TMEM132B: variants seen among roughly 807,000 people sequenced by gnomAD.
TMEM132B encodes the protein transmembrane protein 132B.
In TMEM132B, 18 loss-of-function variants were observed where a neutral mutation model predicts 90.8. That is an observed-to-expected ratio of 0.20 (90% CI 0.14 to 0.29). The LOEUF (loss-of-function observed/expected upper bound fraction) is 0.29, where lower values mean the gene tolerates loss of function less well. Ranked by LOEUF, TMEM132B falls within the 10% of genes least tolerant of loss-of-function variation. TMEM132B has a pLI of 1.00. For synonymous variants in TMEM132B, 504 were observed against 523.3 expected (o/e 0.96, Z 0.50); for missense variants, 1,096 against 1,326.8 (o/e 0.83, Z 2.70).
intron 3 of TMEM132B, among the ~76,000 whole-genome samples, chr12:125,450,735 A>G (rs1593153323): frequency 1.3e-5 from 2 of 152,198 alleles, no homozygotes. Context: ...CTTATTAATT[A>G]TAAGGGGAAA....
chr12:125,347,228 C>T (rs1361089730), intron 1 of TMEM132B, among the ~76,000 whole-genome samples: 1 of 152,034 alleles, frequency 6.6e-6, no homozygotes, highest in Non-Finnish European at 1.5e-5. Flanking sequence ...ACTGCATTGT[C>T]CCTGTAATAT....
intron 3 of TMEM132B, among the ~76,000 whole-genome samples, chr12:125,446,978 T>C (rs1352479326): frequency 6.6e-6 from 1 of 152,270 alleles, no homozygotes; most frequent in Non-Finnish European, 1.5e-5. Context: ...ACCCTCTTTA[T>C]CTATATCTGT....
intron 5 of TMEM132B, among the ~76,000 whole-genome samples, chr12:125,589,504 A>G (rs2136888288): frequency 6.7e-6 from 1 of 150,076 alleles, no homozygotes; most frequent in South Asian, 2.1e-4. Context: ...AAAAAAAAAA[A>G]AAGAAATACC....
chr12:125,221,359 C>T (rs894692218), intron 1 of TMEM132B, among the ~76,000 whole-genome samples: 12 of 152,074 alleles, frequency 7.9e-5, no homozygotes, highest in African/African-American at 2.9e-4. Flanking sequence ...TAACACTTGC[C>T]CCTCGTCTTC....
chr12:125,608,847 G>C (rs1231531869), intron 5 of TMEM132B, among the ~76,000 whole-genome samples: 2 of 130,286 alleles, frequency 1.5e-5, no homozygotes, highest in East Asian at 4.1e-4. Context: ...GCATTGCTGT[G>C]GCACCTTTGA....
At chr12:125,608,413 A>G (rs768026894) in intron 5 of TMEM132B, among the ~76,000 whole-genome samples, 17 of 152,202 alleles carry the variant, frequency 1.1e-4, no homozygotes, top group Non-Finnish European at 2.2e-4. Context: ...CCATTTTAAA[A>G]TTGAATTATC....
intron 4 of TMEM132B, among the ~76,000 whole-genome samples, chr12:125,564,615 G>T (rs919827967): frequency 6.6e-6 from 1 of 152,152 alleles, no homozygotes; most frequent in Non-Finnish European, 1.5e-5. Context: ...GGATTGAAGG[G>T]CTTAAGGAAC....
chr12:125,586,709 A>T (rs1885187128), intron 5 of TMEM132B: 1 of 152,244 alleles, frequency 6.6e-6, no homozygotes, highest in Non-Finnish European at 1.5e-5. Flanking sequence ...CTGTCGCGGT[A>T]TCACAGTGCT....
intron 2 of TMEM132B, among the ~76,000 whole-genome samples, chr12:125,381,167 C>T (rs414490): frequency 0.63 from 95,726 of 151,990 alleles, 30,979 homozygotes; most frequent in East Asian, 0.95. Context: ...GGTTGAGACA[C>T]TGGGGATTTG....
chr12:125,563,244 CATGCTGCTGGAAAA>C (rs1444889630), intron 4 of TMEM132B, among the ~76,000 whole-genome samples: 1 of 151,764 alleles, frequency 6.6e-6, no homozygotes, highest in Non-Finnish European at 1.5e-5. Flanking sequence ...TAAGTGAGCA[CATGCTGCTGGAAAA>C]ATGGTGCTAA....
chr12:125,370,187 G>A (rs1878251267), intron 2 of TMEM132B, among the ~76,000 whole-genome samples: 1 of 152,176 alleles, frequency 6.6e-6, no homozygotes, highest in African/African-American at 2.4e-5. Flanking sequence ...AGAACACTGA[G>A]GTCACCAAGA....
At chr12:125,481,966 G>A (rs886936696) in intron 3 of TMEM132B, among the ~76,000 whole-genome samples, 2 of 152,242 alleles carry the variant, frequency 1.3e-5, no homozygotes, top group Admixed American at 6.5e-5. Flanking sequence ...ACAACCATCC[G>A]ATCTTTGACA....
At chr12:125,268,006 G>A (rs1249458989) in intron 1 of TMEM132B, among the ~76,000 whole-genome samples, 4 of 152,146 alleles carry the variant, frequency 2.6e-5, no homozygotes, top group African/African-American at 9.7e-5. Context: ...TGTACTTTAG[G>A]AGGCTGAGGC....
chr12:125,338,387 C>G (rs1033146192), intron 1 of TMEM132B, among the ~76,000 whole-genome samples: 8 of 152,324 alleles, frequency 5.3e-5, no homozygotes, highest in African/African-American at 1.9e-4. Context: ...GACGCAGCAC[C>G]AACACCCACA....
intron 4 of TMEM132B, among the ~76,000 whole-genome samples, chr12:125,563,606 A>AAC (rs1884595811): frequency 8.2e-6 from 1 of 122,182 alleles, no homozygotes; most frequent in African/African-American, 3.6e-5. Flanking sequence ...AACAAAAAAA[A>AAC]ACCCCACAGT....
At chr12:125,295,963 G>C (rs544070759) in intron 1 of TMEM132B, among the ~76,000 whole-genome samples, 1 of 152,274 alleles carries the variant, frequency 6.6e-6, no homozygotes, top group East Asian at 1.9e-4. Context: ...CACTTTATAT[G>C]AGTATGCTTT....
At chr12:125,648,438 A>G (rs1330394657) in intron 6 of TMEM132B, among the ~76,000 whole-genome samples, 1 of 151,852 alleles carries the variant, frequency 6.6e-6, no homozygotes, top group Non-Finnish European at 1.5e-5. Context: ...AGCTCTATGT[A>G]TACCATTGCC....
At chr12:125,461,789 C>T (rs553612884) in intron 3 of TMEM132B, among the ~76,000 whole-genome samples, 6 of 152,212 alleles carry the variant, frequency 3.9e-5, no homozygotes, top group Non-Finnish European at 8.8e-5. Context: ...GCGTTTCCTC[C>T]CGGCGCTGCC....
chr12:125,281,843 A>G (rs1034744931), intron 1 of TMEM132B, among the ~76,000 whole-genome samples: 3 of 151,788 alleles, frequency 2.0e-5, no homozygotes, highest in Admixed American at 2.0e-4. Context: ...TCTGGCTAAC[A>G]CGGTGAAACC....
Sources: gnomAD v4.1 joint callset for allele counts (sites outside exome capture counted in the v4.1 genomes callset) on GRCh38, gnomAD v4.1.1 for gene constraint, MANE v1.5 for transcripts, NCBI Gene and HGNC (gene_info 2026-07-23, HGNC 2026-07-21) for gene names.